Variants in IGSF21 observed in about 807,000 individuals in gnomAD.
The protein encoded by IGSF21 is immunoglobin superfamily member 21.
Under a neutral mutation model 46.8 loss-of-function variants are expected in IGSF21, and 28 were observed. That is an observed-to-expected ratio of 0.60 (90% CI 0.44 to 0.82). IGSF21 has a LOEUF of 0.82. IGSF21 is among the 40% of genes least tolerant of loss of function. IGSF21 has a pLI of 0.00. For synonymous variants in IGSF21, 284 were observed against 273.6 expected, an observed-to-expected ratio of 1.04 and a Z score of -0.38; for missense variants, 624 against 665.5, an observed-to-expected ratio of 0.94 and a Z score of 0.69.
chr1:18,262,550 C>T (rs138659305), intron 2 of IGSF21, among the ~76,000 whole-genome samples: 4 of 152,098 alleles, frequency 2.6e-5, no homozygotes, highest in African/African-American at 4.8e-5. Context: ...TAATCTGGTG[C>T]GAGTGTCTGG....
chr1:18,355,349 T>G (rs1212236080), intron 4 of IGSF21, among the ~76,000 whole-genome samples: 4 of 152,244 alleles, frequency 2.6e-5, no homozygotes, highest in Non-Finnish European at 4.4e-5. Context: ...AATAACGTTC[T>G]GCTTTCAAGA....
intron 2 of IGSF21, among the ~76,000 whole-genome samples, chr1:18,236,568 T>C (rs1436523894): frequency 6.6e-6 from 1 of 152,056 alleles, no homozygotes; most frequent in African/African-American, 2.4e-5. Context: ...ATCTGGAATG[T>C]TGGGGAGAGG....
At chr1:18,272,372 G>A (rs1294743787) in intron 2 of IGSF21, among the ~76,000 whole-genome samples, 1 of 152,158 alleles carries the variant, frequency 6.6e-6, no homozygotes, top group African/African-American at 2.4e-5. Flanking sequence ...CCACTTCCTG[G>A]CTACATGATC....
Position 18,365,195 on chromosome 1 carries a change from T to C in IGSF21, c.541-28T>C. On this transcript the variant is annotated intron_variant, in intron 5 of 9. Coordinates refer to ENST00000251296, the MANE Select transcript of IGSF21 (RefSeq NM_032880.5). This position sits in a 1 kb window ranked among gnomAD's most constrained non-coding sequence, Gnocchi z 4.8. Reference sequence around the variant, plus strand: ...GGTTGAAGTTAGTAGCACAAAATCATTTTCCCACACCCTCCTTACAATGGC... The same window carrying C: ...GGTTGAAGTTAGTAGCACAAAATCACTTTCCCACACCCTCCTTACAATGGC... 3.9e-6 allele frequency: 6 copies of C among 1,547,656 alleles called. No homozygotes were observed. The highest frequency in any genetic ancestry group is 5.3e-6 in the Non-Finnish European group (6 of 1,137,628).
Position 18,310,267 on chromosome 1 carries a change from A to C in IGSF21, c.305+18280A>C, listed in dbSNP as rs551236966. ...GGTATCCATGCACACACAGCTGCCC[A>C]GGTCAAGATAAACATTCTCAGCCCC... is the stretch of plus-strand genomic sequence containing the variant. On this transcript the variant is annotated intron_variant, in intron 3 of 9. Transcript: ENST00000251296. Among the ~76,000 whole-genome samples the C allele has an allele frequency of 1.4e-3, 212 of 152,324 alleles. No individual in the cohort carries two copies. In the Middle Eastern group the frequency reaches 0.017, roughly 12 times the overall value.
At chr1:18,144,325 G>A (rs2086445983) in intron 1 of IGSF21, among the ~76,000 whole-genome samples, 1 of 152,022 alleles carries the variant, frequency 6.6e-6, no homozygotes. Flanking sequence ...TCCATGCCCC[G>A]CTGCCCCAGG....
chr1:18,115,830 G>A (rs1353691898), intron 1 of IGSF21: 10 of 89,398 alleles, frequency 1.1e-4, no homozygotes, highest in African/African-American at 5.2e-4. Flanking sequence ...AGGAAGGAAG[G>A]AAGGAAGGAA....
chr1:18,121,736 A>G (rs1472844350), intron 1 of IGSF21, among the ~76,000 whole-genome samples: 1 of 151,942 alleles, frequency 6.6e-6, no homozygotes, highest in East Asian at 1.9e-4. Flanking sequence ...CTTTAGGAGG[A>G]GATGGGTTGC....
chr1:18,377,332 T>C lies in IGSF21; in HGVS notation c.1295-61T>C. On this transcript the variant is annotated intron_variant, in intron 8 of 9. Coordinates refer to ENST00000251296, the MANE Select transcript of IGSF21 (RefSeq NM_032880.5). ...CAGCAGGTGCTGGGTAAAGGGCCAT[T>C]CCTTCCCTGAGCTCTGAAGGCCATC... The C allele has an allele frequency of 4.8e-6, 7 of 1,462,444 alleles. No homozygotes were observed. In the South Asian group the frequency reaches 8.0e-5, roughly 17 times the overall value. The allele number at this position is 1,462,444 out of a possible 1,614,324, so 90.6% of individuals were successfully genotyped here.
At chr1:18,153,480 C>T (rs911466255) in intron 1 of IGSF21, among the ~76,000 whole-genome samples, 3 of 152,202 alleles carry the variant, frequency 2.0e-5, no homozygotes, top group Non-Finnish European at 4.4e-5. Context: ...CTAAGCGCAG[C>T]CAAACCCAGT....
At chr1:18,260,882 C>A (rs537760659) in intron 2 of IGSF21, among the ~76,000 whole-genome samples, 2 of 152,352 alleles carry the variant, frequency 1.3e-5, no homozygotes, top group African/African-American at 4.8e-5. Flanking sequence ...CCATCCTGGT[C>A]TTGGCTAGTG....
At chr1:18,124,596 G>A (rs1358376881) in intron 1 of IGSF21, among the ~76,000 whole-genome samples, 1 of 152,140 alleles carries the variant, frequency 6.6e-6, no homozygotes, top group Non-Finnish European at 1.5e-5. Context: ...AGGGGCTCCA[G>A]CTACAGCTGG....
intron 2 of IGSF21, among the ~76,000 whole-genome samples, chr1:18,230,884 A>C (rs1569582822): frequency 6.6e-6 from 1 of 150,960 alleles, no homozygotes; most frequent in Non-Finnish European, 1.5e-5. Flanking sequence ...TGCCAGACGA[A>C]CCCCCCACTG....
At chr1:18,226,133 G>A (rs141755186) in intron 1 of IGSF21, among the ~76,000 whole-genome samples, 139 of 152,326 alleles carry the variant, frequency 9.1e-4, no homozygotes, top group Admixed American at 1.5e-3. Context: ...CTCCCTTTCC[G>A]TGGGGTCTGT....
chr1:18,318,591 G>A lies in IGSF21; in HGVS notation c.306-16301G>A, dbSNP rs548378475. 2.0e-4 allele frequency among the ~76,000 whole-genome samples: 30 copies of A among 152,136 alleles called. 1 individual carries two copies. Among genetic ancestry groups the A allele is most frequent in the Middle Eastern group, 3.4e-3 (1 of 294 alleles). The stretch of plus-strand genomic sequence containing the variant: ...ACCCACTGGGCACTCACCCATTCAG[G>A]TGGATGCCACCCCACTTCTTCCATG... On this transcript the variant is annotated intron_variant, in intron 3 of 9. Transcript: ENST00000251296.
chr1:18,353,057 G>GGGCCCATTGC (rs1398257847), intron 4 of IGSF21, among the ~76,000 whole-genome samples: 1 of 152,174 alleles, frequency 6.6e-6, no homozygotes, highest in African/African-American at 2.4e-5. Context: ...CCACATAAAA[G>GGGCCCATTGC]GGCCCATTGC....
At chr1:18,376,433 G>T (rs947805522) in intron 7 of IGSF21, 38 bp downstream of exon 7, 1 of 1,462,546 alleles carries the variant, frequency 6.8e-7, no homozygotes, top group Non-Finnish European at 9.6e-7. Context: ...GGTGGTGGGA[G>T]GTGGTAGAGG....
At chr1:18,241,287 G>A (rs1445483021) in intron 2 of IGSF21, among the ~76,000 whole-genome samples, 1 of 152,150 alleles carries the variant, frequency 6.6e-6, no homozygotes, top group Non-Finnish European at 1.5e-5. Flanking sequence ...CCCTGGTGTT[G>A]CCATACAGGA....
chr1:18,295,911 C>T (rs223159), intron 3 of IGSF21, among the ~76,000 whole-genome samples: 105,382 of 152,194 alleles, frequency 0.69, 38,473 homozygotes, highest in African/African-American at 0.87. Flanking sequence ...AAAGTACAAG[C>T]TCCTCCTTCA....
Sources: gnomAD v4.1 joint callset for allele counts (sites outside exome capture counted in the v4.1 genomes callset) on GRCh38, gnomAD v4.1.1 for gene constraint, Gnocchi (gnomAD v3.1) non-coding constraint, MANE v1.5 for transcripts, NCBI Gene and HGNC (gene_info 2026-07-23, HGNC 2026-07-21) for gene names.